PCDHGA11: variants seen among roughly 807,000 people sequenced by gnomAD.
PCDHGA11 encodes protocadherin gamma-A11.
In PCDHGA11, 39 loss-of-function variants were observed where a neutral mutation model predicts 60.4. That is an observed-to-expected ratio of 0.65 (90% CI 0.50 to 0.84). PCDHGA11 has a LOEUF of 0.84. Among genes scored for constraint, PCDHGA11 ranks in the 40% least tolerant of loss-of-function variants. The pLI, the probability that PCDHGA11 is intolerant of heterozygous loss-of-function variation, is 0.00. For missense variants in PCDHGA11, 1,165 were observed against 1,197.7 expected, an observed-to-expected ratio of 0.97 and a Z score of 0.40; for synonymous variants, 533 against 510.3, an observed-to-expected ratio of 1.04 and a Z score of -0.60.
At chr5:141,456,919 C>G (rs2098898169) in intron 1 of PCDHGA11, among the ~76,000 whole-genome samples, 1 of 152,124 alleles carries the variant, frequency 6.6e-6, no homozygotes, top group African/African-American at 2.4e-5. Flanking sequence ...GCCGAGATCG[C>G]ACCACTGCAC....
chr5:141,441,927 G>A (rs2098285195), intron 1 of PCDHGA11: 2 of 354,242 alleles, frequency 5.6e-6, no homozygotes, highest in Non-Finnish European at 1.1e-5. Flanking sequence ...ACAATGCGTG[G>A]CTGTCCTACC....
chr5:141,471,568 A>G (rs947450908), intron 1 of PCDHGA11: 3 of 152,214 alleles, frequency 2.0e-5, no homozygotes, highest in Non-Finnish European at 2.9e-5. Context: ...CAGGGGTAGC[A>G]GTAGATAGGG....
chr5:141,465,574 C>T (rs1477852984), intron 1 of PCDHGA11, among the ~76,000 whole-genome samples: 2 of 152,160 alleles, frequency 1.3e-5, no homozygotes, highest in Admixed American at 1.3e-4. Context: ...TTTCTCAAAA[C>T]ACTCTCATAA....
chr5:141,428,546 A>C (rs1476382847), intron 1 of PCDHGA11: 1 of 263,642 alleles, frequency 3.8e-6, no homozygotes, highest in Non-Finnish European at 7.5e-6. Flanking sequence ...ATGACACCAG[A>C]AACAGTCCCC....
At position 141,490,735 on chromosome 5, in the gene PCDHGA11, C is replaced by T; in HGVS notation, c.2434-4072C>T. The T allele has an allele frequency of 2.5e-6, 4 of 1,614,194 alleles. No individual in the cohort carries two copies. Among genetic ancestry groups the T allele is most frequent in the Non-Finnish European group, 2.5e-6 (3 of 1,180,018 alleles). ...CTACTCCATTGTAGGAAATCAGGTTCAGGGAGCCCCAGCCTCCTCCTTTGT... is the reference window on the plus strand; with the variant it reads ...CTACTCCATTGTAGGAAATCAGGTTTAGGGAGCCCCAGCCTCCTCCTTTGT... On this transcript the variant is annotated intron_variant, in intron 1 of 3. Transcript: ENST00000398587. This position sits in a 1 kb window ranked among gnomAD's most constrained non-coding sequence, Gnocchi z 5.4.
chr5:141,485,105 G>A lies in PCDHGA11; in HGVS notation c.2434-9702G>A. On this transcript the variant is annotated intron_variant, in intron 1 of 3. Transcript: ENST00000398587. The surrounding 1 kb of genome is among the most constrained non-coding windows in gnomAD (Gnocchi z 5.7). ...AGGGAGATAGGTGTCTCCAGCTGCT[G>A]TGGCTGTTTGGGGCGGGTCGGCTTC... 8.3e-7 allele frequency: 1 copy of A among 1,205,940 alleles called. No individual in the cohort carries two copies. Among genetic ancestry groups the A allele is most frequent in the Non-Finnish European group, 1.2e-6 (1 of 827,784 alleles). The allele number at this position is 1,205,940 out of a possible 1,614,324, so 74.7% of individuals were successfully genotyped here.
chr5:141,428,148 G>A (rs774961575), intron 1 of PCDHGA11: 6 of 1,588,024 alleles, frequency 3.8e-6, no homozygotes, highest in East Asian at 4.5e-5. Flanking sequence ...GCTGCACACG[G>A]GAACCTGCTG....
At chr5:141,423,833 T>A in intron 1 of PCDHGA11, 173 bp downstream of exon 1, 1 of 1,262,398 alleles carries the variant, frequency 7.9e-7, no homozygotes, top group Non-Finnish European at 1.0e-6. Context: ...TTCATGAGAT[T>A]ACGATAATCT....
intron 1 of PCDHGA11, among the ~76,000 whole-genome samples, chr5:141,445,751 G>T (rs1211416281): frequency 2.0e-5 from 3 of 152,102 alleles, no homozygotes; most frequent in Non-Finnish European, 4.4e-5. Context: ...AAAAATAAAA[G>T]GTGTGACTCA....
intron 1 of PCDHGA11, among the ~76,000 whole-genome samples, chr5:141,483,010 G>C (rs574078222): frequency 6.6e-6 from 1 of 152,006 alleles, no homozygotes; most frequent in Non-Finnish European, 1.5e-5. Flanking sequence ...GCTTGAACCC[G>C]GGAGGCAGAG....
intron 1 of PCDHGA11, among the ~76,000 whole-genome samples, chr5:141,453,261 A>G (rs1387512741): frequency 6.6e-6 from 1 of 152,028 alleles, no homozygotes; most frequent in Non-Finnish European, 1.5e-5. Context: ...CTGCAAGTGC[A>G]CACCACCATG....
Position 141,491,880 on chromosome 5 carries a change from G to C in PCDHGA11, c.2434-2927G>C. ...GCGAAACCAGAGTGGCCGATTAAGG[G>C]ATGGGGCTCCGAGCACCGGGGGTGG... On this transcript the variant is annotated intron_variant, in intron 1 of 3. Transcript: ENST00000398587. This position sits in a 1 kb window ranked among gnomAD's most constrained non-coding sequence, Gnocchi z 6.9. 1 of 1,449,834 alleles carries C rather than the reference G, an allele frequency of 6.9e-7. No individual in the cohort carries two copies. 89.8% of individuals were successfully genotyped at this position (1,449,834 alleles called of 1,614,324 possible).
rs1342481070 is a variant in PCDHGA11 at position 141,485,056 on chromosome 5, C to T, written c.2434-9751C>T. 8 of 840,338 alleles carry T rather than the reference C, an allele frequency of 9.5e-6. No homozygotes were observed. The Admixed American group carries it at 1.9e-4, about 20-fold the overall frequency. 52.1% of individuals were successfully genotyped at this position (840,338 alleles called of 1,614,324 possible). A position where few individuals can be genotyped will look rare whatever the true frequency, so the allele number is the denominator to read the frequency against. The stretch of plus-strand genomic sequence containing the variant: ...CGTAACCCTTGCGGCGCCGGCCGAA[C>T]CGCGCCAGAGCTGGCGCGGGGAAAG... On this transcript the variant is annotated intron_variant, in intron 1 of 3. Transcript: ENST00000398587. The surrounding 1 kb of genome is among the most constrained non-coding windows in gnomAD (Gnocchi z 5.7).
intron 1 of PCDHGA11, among the ~76,000 whole-genome samples, chr5:141,463,944 T>C (rs1454454223): frequency 3.3e-5 from 5 of 152,158 alleles, no homozygotes; most frequent in African/African-American, 4.8e-5. Flanking sequence ...TTTATAGAAA[T>C]CTTCATTTTT....
chr5:141,423,753 G>A (rs758300730), intron 1 of PCDHGA11, 93 bp downstream of exon 1: 1 of 626,096 alleles, frequency 1.6e-6, no homozygotes, highest in Non-Finnish European at 2.0e-6. Context: ...AACTGTTTGG[G>A]GGGGGGGTGG....
intron 1 of PCDHGA11, chr5:141,426,776 C>G (rs1258505646): frequency 2.2e-6 from 1 of 456,584 alleles, no homozygotes; most frequent in Admixed American, 2.3e-5. Flanking sequence ...TAGGGCCTCA[C>G]TCTCTCCAGA....
chr5:141,466,819 C>A (rs2099130454), intron 1 of PCDHGA11, among the ~76,000 whole-genome samples: 1 of 152,068 alleles, frequency 6.6e-6, no homozygotes, highest in Non-Finnish European at 1.5e-5. Context: ...CATGGTATAA[C>A]AAGTTAGTAT....
At chr5:141,496,888 T>TAA (rs35063790) in intron 2 of PCDHGA11, among the ~76,000 whole-genome samples, 141 of 134,106 alleles carry the variant, frequency 1.1e-3, no homozygotes, top group East Asian at 2.4e-3. Context: ...AAGTAACACT[T>TAA]AAAAAAAAAA....
At chr5:141,502,024 C>G (rs2099812413) in intron 2 of PCDHGA11, among the ~76,000 whole-genome samples, 1 of 152,152 alleles carries the variant, frequency 6.6e-6, no homozygotes, top group African/African-American at 2.4e-5. Context: ...TCCCTGCAAC[C>G]CCCGCCGCTT....
Sources: allele counts gnomAD v4.1 joint callset (sites outside exome capture counted in the v4.1 genomes callset), GRCh38; gene constraint gnomAD v4.1.1; non-coding constraint Gnocchi (gnomAD v3.1); transcripts MANE v1.5; gene names NCBI Gene and HGNC (gene_info 2026-07-23, HGNC 2026-07-21).